ST3GAL3: variants seen among roughly 807,000 people sequenced by gnomAD.
ST3GAL3 encodes CMP-N-acetylneuraminate-beta-1,4-galactoside alpha-2,3-sialyltransferase.
Under a neutral mutation model 50.1 loss-of-function variants are expected in ST3GAL3, and 21 were observed. That is an observed-to-expected ratio of 0.42 (90% CI 0.30 to 0.60). ST3GAL3 has a LOEUF of 0.60. Ranked by LOEUF, ST3GAL3 falls within the 20% of genes least tolerant of loss-of-function variation. The pLI is 0.19. For missense variants in ST3GAL3, 353 were observed against 489.4 expected, an observed-to-expected ratio of 0.72 and a Z score of 2.63; for synonymous variants, 183 against 190.0, an observed-to-expected ratio of 0.96 and a Z score of 0.30.
intron 1 of ST3GAL3, among the ~76,000 whole-genome samples, chr1:43,714,634 A>G (rs1324924245): frequency 1.3e-5 from 2 of 152,086 alleles, no homozygotes; most frequent in African/African-American, 2.4e-5. Context: ...CATTGCTTAA[A>G]TGCCAACAGT....
At chr1:43,731,378 A>ATTTT (rs4019073) in intron 1 of ST3GAL3, among the ~76,000 whole-genome samples, 8 of 69,854 alleles carry the variant, frequency 1.1e-4, no homozygotes, top group Non-Finnish European at 1.7e-4. Flanking sequence ...CACCCAGCTA[A>ATTTT]TTTTTTTTTT....
Position 43,720,196 on chromosome 1 carries a change from T to C in ST3GAL3, c.-31+12503T>C, listed in dbSNP as rs570748032. Among the ~76,000 whole-genome samples, 10 of 152,210 alleles carry C rather than the reference T, an allele frequency of 6.6e-5. No individual in the cohort carries two copies. In the East Asian group the frequency reaches 1.9e-3, roughly 29 times the overall value. The stretch of plus-strand genomic sequence containing the variant: ...CTGAGCCAAGGTCATGACACTGCAC[T>C]CCAGCCTGGACCGCAGAGTGATACC... On this transcript the variant is annotated intron_variant, in intron 1 of 11. Transcript: ENST00000347631.
intron 3 of ST3GAL3, among the ~76,000 whole-genome samples, chr1:43,806,075 A>G (rs1225270478): frequency 1.3e-5 from 2 of 152,200 alleles, no homozygotes; most frequent in Non-Finnish European, 2.9e-5. Flanking sequence ...CTAGGGTCTA[A>G]AGAATGAGCA....
At chr1:43,918,923 A>G (rs1300660540) in intron 9 of ST3GAL3, among the ~76,000 whole-genome samples, 1 of 151,872 alleles carries the variant, frequency 6.6e-6, no homozygotes, top group Non-Finnish European at 1.5e-5. Flanking sequence ...TTATTGCTCA[A>G]TACTTGACTT....
chr1:43,775,382 C>CTGTAATT (rs1696816633), intron 2 of ST3GAL3, among the ~76,000 whole-genome samples: 1 of 151,958 alleles, frequency 6.6e-6, no homozygotes, highest in Non-Finnish European at 1.5e-5. Context: ...TACAGGCGCC[C>CTGTAATT]ACCACAATGC....
chr1:43,816,106 G>A (rs1171647242), intron 4 of ST3GAL3, among the ~76,000 whole-genome samples: 1 of 152,130 alleles, frequency 6.6e-6, no homozygotes, highest in Non-Finnish European at 1.5e-5. Context: ...AGTCATCTTT[G>A]TGCACCTGTG....
intron 2 of ST3GAL3, among the ~76,000 whole-genome samples, chr1:43,780,437 A>C (rs1254237595): frequency 6.6e-6 from 1 of 152,170 alleles, no homozygotes; most frequent in Non-Finnish European, 1.5e-5. Flanking sequence ...TTTAAGCTCA[A>C]AAAAACTCAA....
intron 5 of ST3GAL3, chr1:43,851,708 T>C: frequency 7.8e-7 from 1 of 1,284,340 alleles, no homozygotes; most frequent in Non-Finnish European, 1.1e-6. Flanking sequence ...AGCATCCTTG[T>C]GGGCCCTGTT....
chr1:43,881,812 T>C (rs900301878), intron 5 of ST3GAL3, among the ~76,000 whole-genome samples: 4 of 152,036 alleles, frequency 2.6e-5, no homozygotes, highest in Non-Finnish European at 4.4e-5. Context: ...TCTGTGAACA[T>C]TGGAAACATC....
intron 3 of ST3GAL3, among the ~76,000 whole-genome samples, chr1:43,798,852 A>G (rs2058997658): frequency 6.6e-6 from 1 of 152,302 alleles, no homozygotes; most frequent in African/African-American, 2.4e-5. Flanking sequence ...TCTGGCACAT[A>G]ATAGGTGCTA....
intron 1 of ST3GAL3, among the ~76,000 whole-genome samples, chr1:43,727,018 T>C (rs550590190): frequency 5.3e-5 from 8 of 152,360 alleles, no homozygotes; most frequent in African/African-American, 1.9e-4. Flanking sequence ...CCTTCTATTT[T>C]CATCAGCTGT....
At chr1:43,868,864 A>G (rs1044488492) in intron 5 of ST3GAL3, among the ~76,000 whole-genome samples, 31 of 152,124 alleles carry the variant, frequency 2.0e-4, no homozygotes, top group African/African-American at 4.8e-5. Flanking sequence ...ATAGTCTCCC[A>G]CAACCCCTGG....
chr1:43,879,174 G>A (rs2074657021), intron 5 of ST3GAL3: 1 of 444,194 alleles, frequency 2.3e-6, no homozygotes, highest in African/African-American at 2.0e-5. Flanking sequence ...AAGATGCAGA[G>A]CCGTTGTGGA....
At chr1:43,809,720 C>T (rs1206386800) in intron 3 of ST3GAL3, among the ~76,000 whole-genome samples, 2 of 150,730 alleles carry the variant, frequency 1.3e-5, no homozygotes, top group East Asian at 3.9e-4. Flanking sequence ...AAGGGCCGAG[C>T]GTGGTGGTTC....
intron 1 of ST3GAL3, chr1:43,720,450 A>T (rs1669858211): frequency 6.6e-6 from 1 of 152,208 alleles, no homozygotes; most frequent in South Asian, 2.1e-4. Flanking sequence ...ATAATTTATA[A>T]AAAACAGATT....
intron 5 of ST3GAL3, among the ~76,000 whole-genome samples, chr1:43,864,852 A>C (rs1023901250): frequency 6.6e-6 from 1 of 152,104 alleles, no homozygotes; most frequent in African/African-American, 2.4e-5. Context: ...ATTTCCTAAC[A>C]TAGGAAACAC....
At chr1:43,775,522 C>T (rs1014897705) in intron 2 of ST3GAL3, among the ~76,000 whole-genome samples, 4 of 152,120 alleles carry the variant, frequency 2.6e-5, no homozygotes, top group Non-Finnish European at 4.4e-5. Context: ...TGTGAGCCAC[C>T]GCACTCAGCC....
intron 2 of ST3GAL3, chr1:43,771,821 A>G: frequency 2.5e-6 from 1 of 397,146 alleles, no homozygotes; most frequent in East Asian, 3.6e-5. Flanking sequence ...TGATGCTTAT[A>G]GTGTTAATTT....
chr1:43,899,290 G>T lies in ST3GAL3; in HGVS notation c.557+27G>T. The T allele has an allele frequency of 6.2e-7, 1 of 1,614,196 alleles. No individual in the cohort carries two copies. The highest frequency in any genetic ancestry group is 8.5e-7 in the Non-Finnish European group (1 of 1,180,038). ...TGAGCTCCCCAAAATGGCACCTCGG[G>T]TGAGTGTCGTGGCCCCAACCCTTAG... is the stretch of plus-strand genomic sequence containing the variant. On this transcript the variant is annotated intron_variant, in intron 8 of 11. Transcript: ENST00000347631. This position sits in a 1 kb window ranked among gnomAD's most constrained non-coding sequence, Gnocchi z 5.4.
Sources: allele counts gnomAD v4.1 joint callset (sites outside exome capture counted in the v4.1 genomes callset), GRCh38; gene constraint gnomAD v4.1.1; non-coding constraint Gnocchi (gnomAD v3.1); transcripts MANE v1.5; gene names NCBI Gene and HGNC (gene_info 2026-07-23, HGNC 2026-07-21).